The following OVCH1 variants were observed in gnomAD, a reference collection of about 807,000 sequenced individuals.
The protein encoded by OVCH1 is ovochymase 1.
Under a neutral mutation model 138.4 loss-of-function variants are expected in OVCH1, and 139 were observed. That is an observed-to-expected ratio of 1.00 (90% CI 0.87 to 1.16). The LOEUF (loss-of-function observed/expected upper bound fraction) is 1.16. OVCH1 is among the 50% of genes most tolerant of loss of function. The pLI, the probability that OVCH1 is intolerant of heterozygous loss-of-function variation, is 0.00. For synonymous variants in OVCH1, 453 were observed against 467.8 expected (o/e 0.97, Z 0.41); for missense variants, 1,367 against 1,357.9 (o/e 1.01, Z -0.11).
chr12:29,418,696 G>A (rs1464993813), intron 3 of OVCH1, among the ~76,000 whole-genome samples: 1 of 152,082 alleles, frequency 6.6e-6, no homozygotes, highest in Non-Finnish European at 1.5e-5. Flanking sequence ...AGGTTTCACT[G>A]GTATCAAATC....
chr12:29,468,652 T>A (rs1044188292), intron 16 of OVCH1, among the ~76,000 whole-genome samples: 1 of 152,202 alleles, frequency 6.6e-6, no homozygotes, highest in Admixed American at 6.6e-5. Flanking sequence ...TTCAATGCAC[T>A]TTGATAGAAT....
downstream of OVCH1, chr12:29,425,820 C>G (rs1439659399): frequency 1.3e-5 from 2 of 151,790 alleles, no homozygotes; most frequent in South Asian, 2.1e-4. Flanking sequence ...GCCTGAGAAC[C>G]TCTCCATGAG....
rs184614016 is a variant in OVCH1, at chr12:29,436,091, A to G, written c.3265-2278T>C. Among the ~76,000 whole-genome samples, 479 of 152,178 alleles carry G rather than the reference A, an allele frequency of 3.1e-3. 3 individuals carry two copies. Among genetic ancestry groups the G allele is most frequent in the African/African-American group, 8.8e-3 (367 of 41,550 alleles). Reference sequence around the variant, plus strand: ...ATATGACAGGTGTTTTATTTTAAAAATTATGTGACAATATTTTATTTAATG... The same window carrying G: ...ATATGACAGGTGTTTTATTTTAAAAGTTATGTGACAATATTTTATTTAATG... On this transcript the variant is annotated intron_variant, in intron 26 of 27. Transcript: ENST00000318184.
chr12:29,489,873 C>T (rs2136083119), intron 5 of OVCH1, 102 bp from the exon 6 acceptor site: 1 of 1,228,780 alleles, frequency 8.1e-7, no homozygotes, highest in South Asian at 1.4e-5. Flanking sequence ...TTTTTAACCA[C>T]ATGTAGAAGT....
At chr12:29,486,588 A>G (rs1943114733) in intron 7 of OVCH1, among the ~76,000 whole-genome samples, 1 of 152,226 alleles carries the variant, frequency 6.6e-6, no homozygotes, top group Non-Finnish European at 1.5e-5. Context: ...AAGATGTGAA[A>G]TATTCAATTC....
intron 25 of OVCH1, chr12:29,439,511 C>G: frequency 5.9e-6 from 8 of 1,357,272 alleles, no homozygotes; most frequent in Non-Finnish European, 7.6e-6. Flanking sequence ...AACTTCTCTA[C>G]ACCAACTAAA....
intron 26 of OVCH1, among the ~76,000 whole-genome samples, chr12:29,436,171 T>A (rs1263519064): frequency 6.6e-6 from 1 of 152,024 alleles, no homozygotes; most frequent in Non-Finnish European, 1.5e-5. Flanking sequence ...AGACTAAGAT[T>A]TAGACTATTT....
chr12:29,428,721 G>A (rs1443298906), intron 27 of OVCH1, among the ~76,000 whole-genome samples: 8 of 152,126 alleles, frequency 5.3e-5, no homozygotes, highest in Admixed American at 5.2e-4. Flanking sequence ...TCATAGGAGG[G>A]GTCAAGGTCC....
intron 3 of OVCH1, among the ~76,000 whole-genome samples, chr12:29,416,433 A>C (rs1216153806): frequency 6.6e-6 from 1 of 152,242 alleles, no homozygotes; most frequent in Non-Finnish European, 1.5e-5. Context: ...AGTGGCTAGA[A>C]TATATAAAGA....
At chr12:29,493,315 C>G (rs1245591254) in intron 4 of OVCH1, among the ~76,000 whole-genome samples, 1 of 152,068 alleles carries the variant, frequency 6.6e-6, no homozygotes, top group Non-Finnish European at 1.5e-5. Flanking sequence ...CTTTTTCCTT[C>G]TAGATTCTTT....
At chr12:29,496,973 T>C (rs1673298766) in intron 1 of OVCH1, among the ~76,000 whole-genome samples, 1 of 152,164 alleles carries the variant, frequency 6.6e-6, no homozygotes, top group Non-Finnish European at 1.5e-5. Context: ...ATTTAGGTTG[T>C]GTTAAAGATA....
intron 25 of OVCH1, among the ~76,000 whole-genome samples, chr12:29,440,275 T>C (rs1387627674): frequency 6.6e-6 from 1 of 152,154 alleles, no homozygotes; most frequent in East Asian, 1.9e-4. Flanking sequence ...GAGAAGGAAA[T>C]AGAAAACAGT....
At chr12:29,462,819 A>T (rs1243131567) in intron 18 of OVCH1, among the ~76,000 whole-genome samples, 2 of 152,146 alleles carry the variant, frequency 1.3e-5, no homozygotes, top group Non-Finnish European at 2.9e-5. Flanking sequence ...CACAGCTCTT[A>T]CGGGACAGAA....
At chr12:29,481,477 T>G (rs547364345) in intron 8 of OVCH1, among the ~76,000 whole-genome samples, 24 of 152,336 alleles carry the variant, frequency 1.6e-4, no homozygotes, top group African/African-American at 5.8e-4. Flanking sequence ...CTATTTTATC[T>G]CTACTTCATC....
intron 21 of OVCH1, among the ~76,000 whole-genome samples, chr12:29,453,750 T>C (rs1941863992): frequency 6.6e-6 from 1 of 152,110 alleles, no homozygotes; most frequent in African/African-American, 2.4e-5. Flanking sequence ...CTTCACATAC[T>C]TGGGGATACT....
chr12:29,445,157 T>C (rs1941578726), intron 23 of OVCH1, 121 bp downstream of exon 23: 10 of 1,189,478 alleles, frequency 8.4e-6, no homozygotes, highest in South Asian at 6.8e-5. Flanking sequence ...TTCAAACATA[T>C]ACTCATTTCC....
chr12:29,471,726 TAGTC>T (rs1271750921), intron 16 of OVCH1, 72 bp downstream of exon 16: 74 of 1,406,158 alleles, frequency 5.3e-5, no homozygotes, highest in Middle Eastern at 4.3e-4. Flanking sequence ...ATGATCTTAG[TAGTC>T]AGCCTTGTGT....
intron 27 of OVCH1, chr12:29,430,758 T>A (rs1435128540): frequency 3.3e-6 from 1 of 305,658 alleles, no homozygotes; most frequent in African/African-American, 2.2e-5. Context: ...AAATCAAGTA[T>A]GGCTTTCCTT....
intron 25 of OVCH1, among the ~76,000 whole-genome samples, chr12:29,442,710 CCT>C (rs1027585730): frequency 3.3e-5 from 5 of 151,826 alleles, no homozygotes; most frequent in African/African-American, 7.2e-5. Flanking sequence ...TAATCCTTTT[CCT>C]CTCTTTATGT....
Sources: allele counts gnomAD v4.1 joint callset (sites outside exome capture counted in the v4.1 genomes callset), GRCh38; gene constraint gnomAD v4.1.1; transcripts MANE v1.5; gene names NCBI Gene and HGNC (gene_info 2026-07-23, HGNC 2026-07-21).